CNTNAP4: variants seen among roughly 807,000 people sequenced by gnomAD.
CNTNAP4 encodes contactin-associated protein-like 4.
CNTNAP4 carries 98 observed loss-of-function variants against 148.4 expected under a neutral mutation model. That is an observed-to-expected ratio of 0.66 (90% CI 0.56 to 0.78). The LOEUF (loss-of-function observed/expected upper bound fraction) is 0.78. Among genes scored for constraint, CNTNAP4 ranks in the 30% least tolerant of loss-of-function variants. CNTNAP4 has a pLI of 0.00. For missense variants in CNTNAP4, 1,935 were observed against 1,565.6 expected (o/e 1.24, Z -3.98); for synonymous variants, 730 against 565.1 (o/e 1.29, Z -4.14).
intron 3 of CNTNAP4, among the ~76,000 whole-genome samples, chr16:76,384,326 G>GCCA (rs751686220): frequency 1.3e-5 from 2 of 152,116 alleles, no homozygotes; most frequent in East Asian, 3.9e-4. Flanking sequence ...ACAGGCTTGA[G>GCCA]CCACCGCGCC....
intron 4 of CNTNAP4, among the ~76,000 whole-genome samples, chr16:76,434,284 G>C (rs1428805570): frequency 6.6e-6 from 1 of 152,148 alleles, no homozygotes; most frequent in Non-Finnish European, 1.5e-5. Context: ...CACAAAGCTG[G>C]AGAGTTTGAT....
rs1226723710 is a variant in CNTNAP4 at position 76,449,720 on chromosome 16, C to T, written c.933C>T (p.Ser311=). ...ATGCCATTTTTCTTTCTAAGATCAG[C>T]TTTGGAGGGATTCCAGCACCTGGAA... ...FNLMNLDYEI[S]FGGIPAPGKS... is the part of the protein sequence containing the mutation. Residue 311 remains serine, a synonymous_variant, in exon 7 of 24, where the codon AGC becomes AGT. Coordinates refer to ENST00000611870, the MANE Select transcript of CNTNAP4 (RefSeq NM_033401.5). 1.9e-6 allele frequency: 3 copies of T among 1,584,378 alleles called. No homozygotes were observed. The highest frequency in any genetic ancestry group is 2.6e-6 in the Non-Finnish European group (3 of 1,164,680).
chr16:76,293,837 A>T (rs1309063964), intron 1 of CNTNAP4, among the ~76,000 whole-genome samples: 4,921 of 124,342 alleles, frequency 0.04, 258 homozygotes, highest in African/African-American at 0.13. Flanking sequence ...TTTTTTTTTA[A>T]AAAAAAGGAT....
intron 3 of CNTNAP4, among the ~76,000 whole-genome samples, chr16:76,423,940 A>T (rs1334070274): frequency 1.3e-5 from 2 of 152,128 alleles, no homozygotes; most frequent in Non-Finnish European, 2.9e-5. Flanking sequence ...ATTATTATAA[A>T]ATTAATACAT....
At position 76,316,111 on chromosome 16, in the gene CNTNAP4, TC is replaced by T. The variant is rs1377415501; in HGVS notation, c.86-301del. 7.4e-5 allele frequency: 33 copies of T among 445,500 alleles called. No homozygotes were observed. The East Asian group carries it at 9.2e-4, about 12-fold the overall frequency. The allele number at this position is 445,500 out of a possible 1,614,324, so 27.6% of individuals were successfully genotyped here. ...TTTGGAAACCTTAAGTATTTAATTT[TC>T]ATACAGTTAAATTTGTGAATCTTTT... On this transcript the variant is annotated intron_variant, in intron 1 of 23. Coordinates refer to ENST00000611870, the MANE Select transcript of CNTNAP4 (RefSeq NM_033401.5).
At chr16:76,390,503 C>T (rs755878335) in intron 3 of CNTNAP4, among the ~76,000 whole-genome samples, 5 of 151,320 alleles carry the variant, frequency 3.3e-5, no homozygotes, top group African/African-American at 7.3e-5. Context: ...TCTCATCAGG[C>T]GTTCACAGCC....
chr16:76,448,362 T>C (rs561580742), intron 5 of CNTNAP4, 147 bp downstream of exon 5: 3 of 621,604 alleles, frequency 4.8e-6, no homozygotes, highest in Middle Eastern at 3.9e-4. Context: ...TGCTCTTTCA[T>C]GTAAAAATGG....
chr16:76,528,129 G>A (rs1467576503), intron 17 of CNTNAP4, among the ~76,000 whole-genome samples: 1 of 152,146 alleles, frequency 6.6e-6, no homozygotes, highest in Non-Finnish European at 1.5e-5. Flanking sequence ...TTGAGATACT[G>A]TGCTTAACAC....
chr16:76,539,577 ACT>A, intron 19 of CNTNAP4, 140 bp from the exon 20 acceptor site: 1 of 664,314 alleles, frequency 1.5e-6, no homozygotes, highest in South Asian at 2.0e-5. Context: ...TTGGAAACTG[ACT>A]CTTGGGGATT....
intron 1 of CNTNAP4, among the ~76,000 whole-genome samples, chr16:76,308,092 C>T (rs367709444): frequency 6.6e-6 from 1 of 150,730 alleles, no homozygotes; most frequent in East Asian, 2.0e-4. Context: ...GGAAAACATA[C>T]TGATAGTTAC....
At chr16:76,385,909 G>C (rs1269995650) in intron 3 of CNTNAP4, among the ~76,000 whole-genome samples, 1 of 151,976 alleles carries the variant, frequency 6.6e-6, no homozygotes, top group African/African-American at 2.4e-5. Flanking sequence ...CAGTATTTCA[G>C]CTCTACGTTT....
At chr16:76,350,180 T>C (rs900862607) in intron 2 of CNTNAP4, among the ~76,000 whole-genome samples, 5 of 152,108 alleles carry the variant, frequency 3.3e-5, no homozygotes, top group African/African-American at 2.4e-5. Flanking sequence ...GAGTCAAAGA[T>C]AGTTGTAATT....
chr16:76,341,998 A>G (rs930842090), intron 2 of CNTNAP4, among the ~76,000 whole-genome samples: 4 of 152,186 alleles, frequency 2.6e-5, no homozygotes, highest in African/African-American at 9.7e-5. Flanking sequence ...TTTGCTGATG[A>G]GTTTTCTCTC....
intron 2 of CNTNAP4, among the ~76,000 whole-genome samples, chr16:76,329,803 T>G (rs1392764917): frequency 6.6e-6 from 1 of 152,220 alleles, no homozygotes; most frequent in Non-Finnish European, 1.5e-5. Flanking sequence ...ATTGGCTGTA[T>G]AAAATATAAC....
intron 2 of CNTNAP4, among the ~76,000 whole-genome samples, chr16:76,339,281 C>T (rs1180781901): frequency 6.6e-6 from 1 of 152,104 alleles, no homozygotes; most frequent in Non-Finnish European, 1.5e-5. Context: ...AGTGCATAGT[C>T]AGCCCCTCCC....
At chr16:76,290,250 C>A (rs2143821589) in intron 1 of CNTNAP4, among the ~76,000 whole-genome samples, 1 of 152,266 alleles carries the variant, frequency 6.6e-6, no homozygotes, top group African/African-American at 2.4e-5. Context: ...ACTCCAAAAT[C>A]CATTGTTCTT....
chr16:76,474,318 G>T (rs1440894436), intron 10 of CNTNAP4, among the ~76,000 whole-genome samples: 1 of 152,130 alleles, frequency 6.6e-6, no homozygotes, highest in East Asian at 1.9e-4. Flanking sequence ...TACATCTGAA[G>T]GGGACAAAGA....
intron 3 of CNTNAP4, among the ~76,000 whole-genome samples, chr16:76,358,613 C>T (rs1328780063): frequency 1.3e-5 from 2 of 152,090 alleles, no homozygotes; most frequent in Admixed American, 1.3e-4. Context: ...TGGGGATATC[C>T]AGAGTTATGG....
At chr16:76,301,760 C>T (rs1036569492) in intron 1 of CNTNAP4, among the ~76,000 whole-genome samples, 4 of 152,010 alleles carry the variant, frequency 2.6e-5, no homozygotes, top group African/African-American at 9.7e-5. Flanking sequence ...AATCCGCCTC[C>T]CTGAAGATGA....
Sources: allele counts gnomAD v4.1 joint callset (sites outside exome capture counted in the v4.1 genomes callset), GRCh38; gene constraint gnomAD v4.1.1; transcripts MANE v1.5; gene names NCBI Gene and HGNC (gene_info 2026-07-23, HGNC 2026-07-21).